Variants in DLG2 observed in about 807,000 individuals in gnomAD.
DLG2 encodes the protein disks large homolog 2.
Under a neutral mutation model 132.5 loss-of-function variants are expected in DLG2, and 45 were observed. The observed-to-expected ratio is 0.34, with a 90% confidence interval of 0.27 to 0.44. DLG2 has a LOEUF of 0.44. DLG2 is among the 20% of genes least tolerant of loss of function. The probability of loss-of-function intolerance (pLI) is 1.00; values close to 1 mark genes in which losing one functional copy is unlikely to be tolerated. For missense variants in DLG2, 1,045 were observed against 1,196.9 expected (o/e 0.87, Z 1.87); for synonymous variants, 424 against 419.6 (o/e 1.01, Z -0.13).
chr11:83,516,795 G>T (rs1002580978), intron 21 of DLG2, among the ~76,000 whole-genome samples: 5 of 152,084 alleles, frequency 3.3e-5, no homozygotes, highest in African/African-American at 4.8e-5. Context: ...GCTTAGTTTG[G>T]CTGGATATGA....
At chr11:85,193,234 G>T (rs1428428544) in intron 4 of DLG2, among the ~76,000 whole-genome samples, 3 of 152,082 alleles carry the variant, frequency 2.0e-5, no homozygotes, top group African/African-American at 4.8e-5. Context: ...CCATGTTTTA[G>T]CATGTATCAG....
At chr11:85,418,552 T>C (rs1412832683) in intron 3 of DLG2, among the ~76,000 whole-genome samples, 1 of 152,194 alleles carries the variant, frequency 6.6e-6, no homozygotes, top group Admixed American at 6.5e-5. Context: ...TGCTAAAGTG[T>C]CCCACTATTA....
intron 19 of DLG2, among the ~76,000 whole-genome samples, chr11:83,550,571 G>A (rs2096366708): frequency 2.0e-5 from 3 of 152,130 alleles, no homozygotes; most frequent in South Asian, 4.1e-4. Flanking sequence ...AGAACTCACT[G>A]GACCACAGTG....
At chr11:85,403,019 G>A (rs140009724) in intron 3 of DLG2, among the ~76,000 whole-genome samples, 8,824 of 152,090 alleles carry the variant, frequency 0.058, 381 homozygotes, top group African/African-American at 0.11. Context: ...TATAAATCAT[G>A]CTGCTATAAA....
At chr11:84,247,454 A>G (rs112814574) in intron 8 of DLG2, among the ~76,000 whole-genome samples, 167 of 152,302 alleles carry the variant, frequency 1.1e-3, no homozygotes, top group African/African-American at 3.8e-3. Flanking sequence ...AATAGAAACT[A>G]GAGAGTATTG....
intron 3 of DLG2, 106 bp from the exon 4 acceptor site, chr11:85,285,471 A>G: frequency 2.0e-6 from 2 of 999,886 alleles, no homozygotes; most frequent in Non-Finnish European, 2.9e-6. Flanking sequence ...GCTGATTAAA[A>G]GAACTGCATA....
At chr11:85,499,114 G>T (rs961308033) in intron 3 of DLG2, among the ~76,000 whole-genome samples, 1 of 152,086 alleles carries the variant, frequency 6.6e-6, no homozygotes, top group African/African-American at 2.4e-5. Flanking sequence ...AGAACTGTAG[G>T]AAGTAGAGAA....
intron 5 of DLG2, among the ~76,000 whole-genome samples, chr11:85,134,528 CAAAAAA>C (rs58266385): frequency 0.062 from 2,169 of 34,750 alleles, 23 homozygotes; most frequent in South Asian, 0.18. Context: ...GACTCCGTCT[CAAAAAA>C]AAAAAAAAAA....
intron 18 of DLG2, chr11:83,692,821 G>C (rs2081219160): frequency 6.6e-6 from 1 of 152,196 alleles, no homozygotes; most frequent in Admixed American, 6.5e-5. Flanking sequence ...GTGGCCATGT[G>C]TCTGAGTCTG....
At chr11:85,277,505 A>G (rs1357412768) in intron 4 of DLG2, among the ~76,000 whole-genome samples, 1 of 152,130 alleles carries the variant, frequency 6.6e-6, no homozygotes, top group East Asian at 1.9e-4. Context: ...TACTCTCACT[A>G]TTTTAGATCA....
At position 84,387,189 on chromosome 11, in the gene DLG2, G is replaced by A. The variant is rs563768376; in HGVS notation, c.520-135898C>T. 6.9e-4 allele frequency among the ~76,000 whole-genome samples: 105 copies of A among 151,440 alleles called. 1 individual carries two copies. The highest frequency in any genetic ancestry group is 1.6e-3 in the Admixed American group (25 of 15,232). On this transcript the variant is annotated intron_variant, in intron 7 of 27. Coordinates refer to ENST00000376104, the MANE Select transcript of DLG2 (RefSeq NM_001142699.3). ...GGCTTCCAGTAGCTCCCAGGTGGGC[G>A]CTAGAGTCCATGCATTTACCTAGTA...
chr11:84,147,300 T>C (rs914120341), intron 9 of DLG2, among the ~76,000 whole-genome samples: 9 of 152,252 alleles, frequency 5.9e-5, no homozygotes, highest in African/African-American at 1.7e-4. Context: ...AGGGGTACTA[T>C]GACTGCATTC....
At chr11:84,831,800 T>G (rs2079089184) in intron 6 of DLG2, among the ~76,000 whole-genome samples, 1 of 151,666 alleles carries the variant, frequency 6.6e-6, no homozygotes, top group African/African-American at 2.4e-5. Flanking sequence ...AAAGTTTAAC[T>G]ATTTTAAAAT....
intron 6 of DLG2, among the ~76,000 whole-genome samples, chr11:84,929,378 T>A (rs997707245): frequency 6.6e-6 from 1 of 152,074 alleles, no homozygotes; most frequent in Non-Finnish European, 1.5e-5. Flanking sequence ...ACATGGAATT[T>A]AAAAACTCAA....
At chr11:84,226,178 T>A (rs577131493) in intron 8 of DLG2, among the ~76,000 whole-genome samples, 1 of 152,372 alleles carries the variant, frequency 6.6e-6, no homozygotes, top group Admixed American at 6.5e-5. Flanking sequence ...TCTAACTAAT[T>A]TTTAACCAGG....
At position 84,090,414 on chromosome 11, in the gene DLG2, C is replaced by CA. The variant is rs397848695; in HGVS notation, c.749+8508dup. 4.8e-3 allele frequency among the ~76,000 whole-genome samples: 379 copies of CA among 78,354 alleles called. 5 individuals are homozygous for CA. The highest frequency in any genetic ancestry group is 0.011 in the African/African-American group (226 of 20,172). The allele number at this position is 78,354 out of a possible 152,430, so 51.4% of individuals were successfully genotyped here. On this transcript the variant is annotated intron_variant, in intron 10 of 27. Coordinates refer to ENST00000376104, the MANE Select transcript of DLG2 (RefSeq NM_001142699.3). ...GGGTGACAAGAGTGAGATTTCATCTCAAAAAAAAAAAAAAAAAAAAAAGAT... is the reference window on the plus strand; with the variant it reads ...GGGTGACAAGAGTGAGATTTCATCTCAAAAAAAAAAAAAAAAAAAAAAAGAT...
chr11:85,221,945 T>C (rs569947262), intron 4 of DLG2, among the ~76,000 whole-genome samples: 65 of 152,108 alleles, frequency 4.3e-4, no homozygotes, highest in Non-Finnish European at 6.2e-4. Context: ...TTCTTTCTTT[T>C]TTTTTTTCTT....
Position 83,458,088 on chromosome 11 carries a change from G to A in DLG2, c.*1730C>T, listed in dbSNP as rs749099656. On this transcript the variant is annotated 3_prime_UTR_variant, in exon 28 of 28. Transcript: ENST00000376104. Reference sequence around the variant, plus strand: ...TCTTGCTCTCCTACCCAGCCTACATGCTGGTTTGCTGCACAGTGTGGCAGA... The same window carrying A: ...TCTTGCTCTCCTACCCAGCCTACATACTGGTTTGCTGCACAGTGTGGCAGA... 1 of 152,602 alleles carries A rather than the reference G, an allele frequency of 6.6e-6. No individual in the cohort carries two copies. The highest frequency in any genetic ancestry group is 2.4e-5 in the African/African-American group (1 of 41,418). 9.5% of individuals were successfully genotyped at this position (152,602 alleles called of 1,614,324 possible).
At chr11:85,586,190 T>G (rs1230546452) in intron 3 of DLG2, among the ~76,000 whole-genome samples, 3 of 152,162 alleles carry the variant, frequency 2.0e-5, no homozygotes, top group Non-Finnish European at 2.9e-5. Flanking sequence ...GTTTTCTTTT[T>G]TTGTTATGTC....
Sources: gnomAD v4.1 joint callset for allele counts (sites outside exome capture counted in the v4.1 genomes callset) on GRCh38, gnomAD v4.1.1 for gene constraint, MANE v1.5 for transcripts, NCBI Gene and HGNC (gene_info 2026-07-23, HGNC 2026-07-21) for gene names.